NRG4: variants seen among roughly 807,000 people sequenced by gnomAD.
NRG4 encodes the protein neuregulin 4, also known as pro-neuregulin-4, membrane-bound isoform.
In NRG4, 10 loss-of-function variants were observed where a neutral mutation model predicts 15.0. The ratio of observed to expected loss-of-function variants is 0.67; its 90% CI spans 0.41 to 1.13. The LOEUF is 1.13. Among genes scored for constraint, NRG4 ranks in the 50% most tolerant of loss-of-function variants. The pLI is 0.00. For missense variants in NRG4, 139 were observed against 140.2 expected (o/e 0.99, Z 0.04); for synonymous variants, 41 against 50.1 (o/e 0.82, Z 0.77).
chr15:76,055,641 A>C (rs2036134624), intron 2 of NRG4, among the ~76,000 whole-genome samples: 1 of 152,024 alleles, frequency 6.6e-6, no homozygotes, highest in African/African-American at 2.4e-5. Context: ...ATTTCCATGT[A>C]GAATATACTG....
intron 3 of NRG4, among the ~76,000 whole-genome samples, chr15:75,992,714 T>C (rs1316456277): frequency 6.6e-6 from 1 of 152,164 alleles, no homozygotes; most frequent in African/African-American, 2.4e-5. Context: ...TCTGGACATC[T>C]AATATGTAAA....
intron 2 of NRG4, among the ~76,000 whole-genome samples, chr15:76,010,537 A>G (rs2034771206): frequency 6.6e-6 from 1 of 152,156 alleles, no homozygotes; most frequent in African/African-American, 2.4e-5. Context: ...TCAGCATCAC[A>G]TTATAGCCCT....
chr15:75,997,701 G>A (rs10851884), intron 3 of NRG4, among the ~76,000 whole-genome samples: 69,246 of 152,062 alleles, frequency 0.46, 16,643 homozygotes, highest in South Asian at 0.7. Context: ...TCACACTACT[G>A]TCTAATGCCC....
intron 5 of NRG4, among the ~76,000 whole-genome samples, chr15:75,954,997 G>A (rs757062254): frequency 1.3e-5 from 2 of 151,910 alleles, no homozygotes; most frequent in South Asian, 4.2e-4. Context: ...ACTCTACCCC[G>A]TGCCCCGTGA....
upstream of NRG4, among the ~76,000 whole-genome samples, chr15:76,013,015 T>G (rs1325806913): frequency 1.3e-5 from 2 of 152,198 alleles, no homozygotes; most frequent in Non-Finnish European, 2.9e-5. Flanking sequence ...TTTAAAATAT[T>G]GACTAAAACT....
intron 3 of NRG4, among the ~76,000 whole-genome samples, chr15:75,990,980 A>G (rs985733901): frequency 3.9e-5 from 6 of 152,012 alleles, no homozygotes; most frequent in Admixed American, 3.9e-4. Flanking sequence ...TCAGCCGGTA[A>G]TTTTCATATA....
intron 3 of NRG4, among the ~76,000 whole-genome samples, chr15:75,963,777 CAAAA>C (rs71140188): frequency 1.9e-5 from 2 of 102,988 alleles, no homozygotes; most frequent in African/African-American, 3.6e-5. Flanking sequence ...GACTCCATCT[CAAAA>C]AAAAAAAAAA....
chr15:75,975,605 T>C (rs1429579029), intron 3 of NRG4, among the ~76,000 whole-genome samples: 3 of 152,248 alleles, frequency 2.0e-5, no homozygotes, highest in Non-Finnish European at 4.4e-5. Flanking sequence ...CCTTTGCTTA[T>C]GAAGCTTAGT....
At chr15:76,028,903 CAAAAA>C (rs34533266) in intron 5 of NRG4, among the ~76,000 whole-genome samples, 1 of 54,300 alleles carries the variant, frequency 1.8e-5, no homozygotes, top group African/African-American at 6.7e-5. Context: ...ACTCCTCCTC[CAAAAA>C]AAAAAAAAAA....
chr15:76,059,864 A>T, upstream of NRG4: 1 of 140,376 alleles, frequency 7.1e-6, no homozygotes, highest in East Asian at 2.4e-4. Context: ...CGCCGGCGCG[A>T]GGCCTCGCGC....
At chr15:76,057,597 G>GGGAGGT (rs1252561483) in intron 1 of NRG4, among the ~76,000 whole-genome samples, 1 of 152,044 alleles carries the variant, frequency 6.6e-6, no homozygotes, top group Non-Finnish European at 1.5e-5. Context: ...TTTTAGTTTG[G>GGGAGGT]GGAGGTGCTG....
At chr15:75,944,908 T>C (rs2031384906) in intron 5 of NRG4, among the ~76,000 whole-genome samples, 1 of 152,154 alleles carries the variant, frequency 6.6e-6, no homozygotes, top group African/African-American at 2.4e-5. Context: ...TGTTATGATG[T>C]CTTTTTCTTA....
At chr15:75,950,572 G>T in intron 5 of NRG4, 1 of 245,464 alleles carries the variant, frequency 4.1e-6, no homozygotes. Flanking sequence ...AATTACCTCC[G>T]TTGTTTCCAG....
chr15:76,043,216 G>A (rs1328611774), intron 4 of NRG4, among the ~76,000 whole-genome samples: 1 of 152,134 alleles, frequency 6.6e-6, no homozygotes, highest in Admixed American at 6.5e-5. Flanking sequence ...GAATAGCTGA[G>A]TCTTTCTTCT....
In NRG4 at chr15:75,943,535, T is replaced by C. The variant is rs2031207869; in HGVS notation, c.*103A>G. ...TGATACGAGTTACACAAGCGTTTTA[T>C]TTAAGAAATAAAGGATTAGATTTTT... On this transcript the variant is annotated 3_prime_UTR_variant, in exon 6 of 6. Transcript: ENST00000394907. The C allele has an allele frequency of 1.3e-6, 1 of 744,122 alleles. No homozygotes were observed. The highest frequency in any genetic ancestry group is 1.8e-5 in the African/African-American group (1 of 56,190). The allele number at this position is 744,122 out of a possible 1,614,324, so 46.1% of individuals were successfully genotyped here. A position where few individuals can be genotyped will look rare whatever the true frequency, so the allele number is the denominator to read the frequency against.
intron 3 of NRG4, among the ~76,000 whole-genome samples, chr15:75,965,777 G>A (rs2032764650): frequency 6.6e-6 from 1 of 152,150 alleles, no homozygotes; most frequent in Non-Finnish European, 1.5e-5. Flanking sequence ...AAAAGTAAGG[G>A]TGGATTAAGT....
chr15:75,943,632 G>GTT lies in NRG4; in HGVS notation c.*4_*5dup. The GTT allele has an allele frequency of 6.4e-7, 1 of 1,559,286 alleles. No homozygotes were observed. The highest frequency in any genetic ancestry group is 8.8e-7 in the Non-Finnish European group (1 of 1,132,366). On this transcript the variant is annotated 3_prime_UTR_variant, in exon 6 of 6. Coordinates refer to ENST00000394907, the MANE Select transcript of NRG4 (RefSeq NM_138573.4). ...AAACAATGATTTGGTTCACTTTGAC[G>GTT]TTTCTTCAGTGTTGTTCATGACCTG...
chr15:75,939,529 T>A (rs371227590), downstream of NRG4: 1 of 152,118 alleles, frequency 6.6e-6, no homozygotes, highest in Non-Finnish European at 1.5e-5. Flanking sequence ...TCCCAAAAAT[T>A]GAAGAGGAAG....
At chr15:75,981,090 G>A (rs2141851563) in intron 3 of NRG4, among the ~76,000 whole-genome samples, 1 of 152,234 alleles carries the variant, frequency 6.6e-6, no homozygotes, top group East Asian at 1.9e-4. Flanking sequence ...CTGAGTGCTG[G>A]GGTCTATTTC....
Sources: allele counts gnomAD v4.1 joint callset (sites outside exome capture counted in the v4.1 genomes callset), GRCh38; gene constraint gnomAD v4.1.1; transcripts MANE v1.5; gene names NCBI Gene and HGNC (gene_info 2026-07-23, HGNC 2026-07-21).